Variants in LRRIQ1 observed in about 807,000 individuals in gnomAD.
LRRIQ1 encodes leucine-rich repeat- and IQ domain-containing protein 1.
Under a neutral mutation model 211.9 loss-of-function variants are expected in LRRIQ1, and 210 were observed. That is an observed-to-expected ratio of 0.99 (90% confidence interval 0.89 to 1.11). The LOEUF (loss-of-function observed/expected upper bound fraction) is 1.11, where lower values mean the gene tolerates loss of function less well. LRRIQ1 is among the 50% of genes most tolerant of loss of function. LRRIQ1 has a pLI of 0.00. For missense variants in LRRIQ1, 2,136 were observed against 1,939.5 expected (o/e 1.10, Z -1.90); for synonymous variants, 699 against 650.1 (o/e 1.08, Z -1.14).
chr12:85,119,051 C>T (rs531167175), intron 15 of LRRIQ1, among the ~76,000 whole-genome samples: 73 of 152,174 alleles, frequency 4.8e-4, no homozygotes, highest in African/African-American at 1.7e-3. Context: ...CATTAGGGTT[C>T]ACTCTTGGTG....
intron 24 of LRRIQ1, among the ~76,000 whole-genome samples, chr12:85,220,683 G>A (rs1295966702): frequency 1.3e-5 from 2 of 150,414 alleles, no homozygotes; most frequent in African/African-American, 4.9e-5. Flanking sequence ...TAGGGTACAT[G>A]TGCACAATGT....
At chr12:85,192,908 T>C (rs1199123414) in intron 24 of LRRIQ1, among the ~76,000 whole-genome samples, 1 of 97,400 alleles carries the variant, frequency 1.0e-5, no homozygotes, top group African/African-American at 4.3e-5. Context: ...ACTATAATTA[T>C]ACATAAATAT....
intron 15 of LRRIQ1, among the ~76,000 whole-genome samples, chr12:85,116,315 C>CT (rs201020306): frequency 5.1e-4 from 76 of 148,078 alleles, no homozygotes; most frequent in African/African-American, 1.1e-3. Context: ...GCTAATTGTA[C>CT]TTTTTTTTTT....
At chr12:85,110,494 G>A (rs1887097220) in intron 15 of LRRIQ1, among the ~76,000 whole-genome samples, 1 of 152,186 alleles carries the variant, frequency 6.6e-6, no homozygotes, top group South Asian at 2.1e-4. Context: ...TCAAGTAGAG[G>A]AGCCAGGAAA....
chr12:85,047,256 A>G lies in LRRIQ1; in HGVS notation c.464A>G (p.Asp155Gly). 1.9e-6 allele frequency: 3 copies of G among 1,589,974 alleles called. No homozygotes were observed. Among genetic ancestry groups the G allele is most frequent in the East Asian group, 2.2e-5 (1 of 44,644 alleles). Residue 155 changes from aspartate to glycine, a missense_variant, in exon 6 of 27, where the codon GAT becomes GGT. By Grantham distance (94) the Asp-to-Gly change is moderately conservative. Coordinates refer to ENST00000393217, the MANE Select transcript of LRRIQ1 (RefSeq NM_001079910.2). ...MDEHVLPDDADINFGYCEVEE... is the reference protein window; with the variant it reads ...MDEHVLPDDAGINFGYCEVEE... ...TTCTTCATGAGTGCAGATGATGCTG[A>G]TATAAATTTTGGATACTGTGAAGTG...
intron 24 of LRRIQ1, among the ~76,000 whole-genome samples, chr12:85,179,918 G>T (rs911220732): frequency 6.6e-6 from 1 of 151,630 alleles, no homozygotes; most frequent in African/African-American, 2.4e-5. Context: ...TCATATTTCT[G>T]CTTCCTCCCA....
chr12:85,229,771 C>T (rs966068555), intron 25 of LRRIQ1, 122 bp downstream of exon 25: 22 of 908,112 alleles, frequency 2.4e-5, no homozygotes, highest in African/African-American at 3.5e-5. Context: ...GCTACGTTGC[C>T]GGGTAATACA....
intron 11 of LRRIQ1, among the ~76,000 whole-genome samples, chr12:85,083,652 A>G (rs1884522704): frequency 6.6e-6 from 1 of 151,978 alleles, no homozygotes; most frequent in Non-Finnish European, 1.5e-5. Flanking sequence ...GTTGGCCAGG[A>G]TGGTCTCAAT....
At chr12:85,251,628 A>G (rs1443805901) in intron 1 of LRRIQ1, among the ~76,000 whole-genome samples, 1 of 151,922 alleles carries the variant, frequency 6.6e-6, no homozygotes, top group Non-Finnish European at 1.5e-5. Flanking sequence ...TTTGGAGTAG[A>G]CCATATCTAA....
intron 26 of LRRIQ1, among the ~76,000 whole-genome samples, chr12:85,236,134 G>A (rs559744562): frequency 6.6e-6 from 1 of 152,210 alleles, no homozygotes; most frequent in East Asian, 1.9e-4. Flanking sequence ...AAGGTTCAAA[G>A]ATCCAAATAT....
chr12:85,103,212 A>G (rs973260526), intron 13 of LRRIQ1, among the ~76,000 whole-genome samples: 7 of 150,746 alleles, frequency 4.6e-5, no homozygotes, highest in African/African-American at 1.5e-4. Context: ...GTTTTCGATA[A>G]CAATTATAAC....
chr12:85,070,047 T>A (rs1224139903), intron 10 of LRRIQ1, among the ~76,000 whole-genome samples: 1 of 152,086 alleles, frequency 6.6e-6, no homozygotes, highest in Non-Finnish European at 1.5e-5. Context: ...TGCCTAGGTT[T>A]TCTTCAAGAT....
chr12:85,067,713 G>A lies in LRRIQ1; in HGVS notation c.2695+815G>A, dbSNP rs529843191. On this transcript the variant is annotated intron_variant, in intron 10 of 26. Transcript: ENST00000393217. ...TTTCTATAAATATTCCCATCAGCCC[G>A]TCAGGACCTTACTCCATTATTTTAC... Among the ~76,000 whole-genome samples, 26 of 151,550 alleles carry A rather than the reference G, an allele frequency of 1.7e-4. No homozygotes were observed. The South Asian group carries it at 2.3e-3, about 13-fold the overall frequency.
intron 11 of LRRIQ1, among the ~76,000 whole-genome samples, chr12:85,074,553 T>TTA (rs1051349148): frequency 1.2e-4 from 18 of 151,752 alleles, no homozygotes; most frequent in East Asian, 3.9e-4. Flanking sequence ...TCTGTTTTTT[T>TTA]TATATATATA....
intron 10 of LRRIQ1, among the ~76,000 whole-genome samples, chr12:85,072,435 CT>C (rs1883187587): frequency 6.6e-6 from 1 of 151,556 alleles, no homozygotes; most frequent in Admixed American, 6.6e-5. Flanking sequence ...TGTGTAAGAT[CT>C]ACCTTACTGA....
intron 19 of LRRIQ1, among the ~76,000 whole-genome samples, chr12:85,145,734 A>T (rs1004459309): frequency 6.6e-6 from 1 of 151,672 alleles, no homozygotes; most frequent in African/African-American, 2.4e-5. Context: ...TGCTCCACAG[A>T]AAGTTGTTAT....
At chr12:85,217,744 TGTG>T (rs1182760615) in intron 24 of LRRIQ1, among the ~76,000 whole-genome samples, 13 of 106,548 alleles carry the variant, frequency 1.2e-4, no homozygotes, top group Non-Finnish European at 1.9e-4. Flanking sequence ...ATATATGTAA[TGTG>T]TGTGTATATA....
intron 24 of LRRIQ1, among the ~76,000 whole-genome samples, chr12:85,173,115 A>G (rs991965645): frequency 5.3e-5 from 8 of 152,154 alleles, no homozygotes; most frequent in Admixed American, 2.0e-4. Context: ...CTCAAAAACA[A>G]TAAATAAAAT....
At chr12:85,136,515 T>C (rs12832207) in intron 18 of LRRIQ1, among the ~76,000 whole-genome samples, 7 of 151,910 alleles carry the variant, frequency 4.6e-5, no homozygotes, top group Non-Finnish European at 2.9e-5. Context: ...GGGTCATTGA[T>C]CAAGTTTTGA....
Sources: gnomAD v4.1 joint callset for allele counts (sites outside exome capture counted in the v4.1 genomes callset) on GRCh38, gnomAD v4.1.1 for gene constraint, MANE v1.5 for transcripts, NCBI Gene and HGNC (gene_info 2026-07-23, HGNC 2026-07-21) for gene names.